The following CRYZL1 variants were observed in gnomAD, a reference collection of about 807,000 sequenced individuals.
CRYZL1 encodes the protein crystallin zeta like 1, also known as ferry endosomal RAB5 effector complex subunit 4.
A neutral mutation model predicts 50.6 loss-of-function variants in CRYZL1; 34 were observed. The ratio of observed to expected loss-of-function variants is 0.67; its 90% CI spans 0.51 to 0.89. The LOEUF is 0.89. CRYZL1 is among the 40% of genes least tolerant of loss of function. The pLI is 0.00. For synonymous variants in CRYZL1, 125 were observed against 134.3 expected (o/e 0.93, Z 0.48); for missense variants, 354 against 402.3 (o/e 0.88, Z 1.03).
chr21:33,591,242 G>T, intron 11 of CRYZL1, 35 bp from the exon 12 acceptor site: 1 of 1,567,812 alleles, frequency 6.4e-7, no homozygotes, highest in Non-Finnish European at 8.8e-7. Flanking sequence ...GCAATGTAAA[G>T]GAGAATTAAA....
chr21:33,639,046 T>C (rs2087245318), intron 1 of CRYZL1, among the ~76,000 whole-genome samples: 1 of 152,218 alleles, frequency 6.6e-6, no homozygotes, highest in African/African-American at 2.4e-5. Context: ...GATCTAAAGA[T>C]AGATAAAGGA....
intron 9 of CRYZL1, among the ~76,000 whole-genome samples, chr21:33,598,596 A>G (rs973750531): frequency 1.3e-5 from 2 of 152,228 alleles, no homozygotes; most frequent in African/African-American, 4.8e-5. Flanking sequence ...AGCCACACAC[A>G]GCAGATGGGA....
chr21:33,627,878 G>A (rs552638651), intron 2 of CRYZL1, among the ~76,000 whole-genome samples: 1 of 151,812 alleles, frequency 6.6e-6, no homozygotes, highest in Admixed American at 6.6e-5. Context: ...CTGAGTAGCT[G>A]GGACTACAGG....
At chr21:33,628,501 T>C (rs574433727) in intron 2 of CRYZL1, among the ~76,000 whole-genome samples, 2 of 152,300 alleles carry the variant, frequency 1.3e-5, no homozygotes, top group African/African-American at 4.8e-5. Context: ...TCAATATTTA[T>C]AGTTTTCATC....
chr21:33,603,326 C>T, intron 7 of CRYZL1, 78 bp downstream of exon 7: 2 of 1,537,730 alleles, frequency 1.3e-6, no homozygotes, highest in Non-Finnish European at 8.8e-7. Flanking sequence ...ATTATATTAG[C>T]AAATGGATGG....
At chr21:33,638,591 A>G (rs997509397) in intron 1 of CRYZL1, among the ~76,000 whole-genome samples, 3 of 152,218 alleles carry the variant, frequency 2.0e-5, no homozygotes, top group Non-Finnish European at 4.4e-5. Context: ...CAGTCTCTAG[A>G]AATATGTATA....
chr21:33,621,306 CAAA>C (rs201524236), intron 4 of CRYZL1, among the ~76,000 whole-genome samples: 1 of 133,400 alleles, frequency 7.5e-6, no homozygotes. Context: ...GCTGATGAAC[CAAA>C]AAAAAAAAAA....
intron 1 of CRYZL1, among the ~76,000 whole-genome samples, chr21:33,634,014 C>T (rs561367051): frequency 3.4e-4 from 52 of 152,092 alleles, no homozygotes; most frequent in African/African-American, 1.1e-3. Context: ...GTTTCTCGGA[C>T]GTGATAATCA....
At chr21:33,596,210 TA>T in intron 10 of CRYZL1, 1 of 483,734 alleles carries the variant, frequency 2.1e-6, no homozygotes, top group South Asian at 1.6e-5. Context: ...CTGAAAAATA[TA>T]ACCTTGAGAG....
rs2086622996 is a variant in CRYZL1 at position 33,589,772 on chromosome 21, T to C, written c.*50A>G. The C allele has an allele frequency of 8.2e-7, 1 of 1,221,144 alleles. No individual in the cohort carries two copies. Among genetic ancestry groups the C allele is most frequent in the Non-Finnish European group, 1.2e-6 (1 of 841,702 alleles). 75.6% of individuals were successfully genotyped at this position (1,221,144 alleles called of 1,614,324 possible). ...AACAATTTCCAAAGAAAATTCTGGCTTCAAATACTGGAATATGTTCATCCG... is the reference window on the plus strand; with the variant it reads ...AACAATTTCCAAAGAAAATTCTGGCCTCAAATACTGGAATATGTTCATCCG... On this transcript the variant is annotated 3_prime_UTR_variant, in exon 13 of 13. Coordinates refer to ENST00000381554, the MANE Select transcript of CRYZL1 (RefSeq NM_145858.3).
rs750403580 is a variant in CRYZL1, at chr21:33,602,215, T to C, written c.577+19A>G. The stretch of plus-strand genomic sequence containing the variant: ...TCAAAATTTCCTGTTTTAAAGTCTG[T>C]GCTCATAATATTACCCACCTATGGG... On this transcript the variant is annotated intron_variant, in intron 8 of 12. Transcript: ENST00000381554. 24 of 1,274,450 alleles carry C rather than the reference T, an allele frequency of 1.9e-5. 1 individual carries two copies. Among genetic ancestry groups the C allele is most frequent in the South Asian group, 1.8e-4 (15 of 82,954 alleles). The allele number at this position is 1,274,450 out of a possible 1,614,324, so 78.9% of individuals were successfully genotyped here.
At chr21:33,602,601 T>C (rs2086768272) in intron 7 of CRYZL1, among the ~76,000 whole-genome samples, 2 of 152,210 alleles carry the variant, frequency 1.3e-5, no homozygotes, top group South Asian at 4.1e-4. Context: ...CAGCACATAA[T>C]TTCAAGGATG....
intron 11 of CRYZL1, among the ~76,000 whole-genome samples, chr21:33,594,001 A>T (rs1463159277): frequency 6.6e-6 from 1 of 151,064 alleles, no homozygotes; most frequent in East Asian, 1.9e-4. Context: ...AAAAAAAAAA[A>T]AAAAAAAAAT....
intron 1 of CRYZL1, among the ~76,000 whole-genome samples, chr21:33,638,983 T>C (rs1016454130): frequency 1.3e-5 from 2 of 152,204 alleles, no homozygotes; most frequent in African/African-American, 4.8e-5. Context: ...TCAAGGCATA[T>C]TCGATTGAAT....
chr21:33,628,119 T>A (rs193070082), intron 2 of CRYZL1, among the ~76,000 whole-genome samples: 52 of 152,342 alleles, frequency 3.4e-4, no homozygotes, highest in African/African-American at 1.2e-3. Flanking sequence ...TACATTGGGT[T>A]ACTTTCACAA....
chr21:33,628,154 T>C (rs73368029), intron 2 of CRYZL1, among the ~76,000 whole-genome samples: 161 of 152,368 alleles, frequency 1.1e-3, no homozygotes, highest in Middle Eastern at 6.8e-3. Flanking sequence ...AAGTTTGTTC[T>C]GTCTTCCTAA....
chr21:33,602,033 G>A (rs1461606155), intron 8 of CRYZL1, among the ~76,000 whole-genome samples: 1 of 149,484 alleles, frequency 6.7e-6, no homozygotes. Flanking sequence ...TATAGATGAG[G>A]TCTTCTATGT....
rs1233358902 is a variant in CRYZL1, at chr21:33,597,316, A to G, written c.762T>C (p.Val254=). The change falls in exon 10 of 13, where the codon GTT becomes GTC. Residue 254 remains valine (V), a synonymous_variant. Coordinates refer to ENST00000381554, the MANE Select transcript of CRYZL1 (RefSeq NM_145858.3). ...HKHDIITLLG[V]GGHWVTTEEN... ...CTTCTGTTGTTACCCAGTGGCCTCC[A>G]ACACCAAGAAGTGTGATGATATCAT... is the stretch of plus-strand genomic sequence containing the variant. 3 of 1,613,390 alleles carry G rather than the reference A, an allele frequency of 1.9e-6. No individual in the cohort carries two copies. Among genetic ancestry groups the G allele is most frequent in the African/African-American group, 2.7e-5 (2 of 74,916 alleles).
chr21:33,605,151 A>T (rs1238031764), intron 6 of CRYZL1, among the ~76,000 whole-genome samples: 1 of 152,136 alleles, frequency 6.6e-6, no homozygotes, highest in Non-Finnish European at 1.5e-5. Flanking sequence ...AGTGTTAATC[A>T]ATTTTTCTAT....
Sources: allele counts gnomAD v4.1 joint callset (sites outside exome capture counted in the v4.1 genomes callset), GRCh38; gene constraint gnomAD v4.1.1; transcripts MANE v1.5; gene names NCBI Gene and HGNC (gene_info 2026-07-23, HGNC 2026-07-21).